The following TAFA1 variants were observed in gnomAD, a reference collection of about 807,000 sequenced individuals.
The protein encoded by TAFA1 is TAFA chemokine like family member 1.
TAFA1 carries 4 observed loss-of-function variants against 18.5 expected under a neutral mutation model. The observed-to-expected ratio is 0.22, with a 90% confidence interval of 0.11 to 0.49. The LOEUF is 0.49. Among genes scored for constraint, TAFA1 ranks in the 20% least tolerant of loss-of-function variants. The probability of loss-of-function intolerance (pLI) is 0.98; values close to 1 mark genes in which losing one functional copy is unlikely to be tolerated. For missense variants in TAFA1, 147 were observed against 169.0 expected, an observed-to-expected ratio of 0.87 and a Z score of 0.72; for synonymous variants, 56 against 55.2, an observed-to-expected ratio of 1.01 and a Z score of -0.06.
chr3:68,457,103 A>G (rs1350365204), intron 3 of TAFA1, among the ~76,000 whole-genome samples: 2 of 152,224 alleles, frequency 1.3e-5, no homozygotes, highest in Non-Finnish European at 2.9e-5. Flanking sequence ...TGGCATTTTA[A>G]GTAGGTACTT....
At chr3:68,304,573 T>A (rs554416870) in intron 2 of TAFA1, among the ~76,000 whole-genome samples, 34 of 152,306 alleles carry the variant, frequency 2.2e-4, no homozygotes, top group African/African-American at 7.5e-4. Flanking sequence ...TAATAAGTGA[T>A]AGCCATTCCT....
chr3:68,176,664 A>G (rs2066130356), intron 2 of TAFA1, among the ~76,000 whole-genome samples: 1 of 152,110 alleles, frequency 6.6e-6, no homozygotes, highest in South Asian at 2.1e-4. Flanking sequence ...CATATTTACC[A>G]CTTCTCTATT....
chr3:68,128,719 C>T (rs529318232), intron 2 of TAFA1, among the ~76,000 whole-genome samples: 3 of 152,258 alleles, frequency 2.0e-5, no homozygotes, highest in African/African-American at 7.2e-5. Context: ...CTCTGGGAAT[C>T]ATTTAGCCAT....
At chr3:68,235,627 T>G (rs910823094) in intron 2 of TAFA1, among the ~76,000 whole-genome samples, 1 of 152,168 alleles carries the variant, frequency 6.6e-6, no homozygotes, top group Non-Finnish European at 1.5e-5. Flanking sequence ...GTCATTATGA[T>G]CTGGTTGGTG....
chr3:68,287,906 T>TG (rs1292443082), intron 2 of TAFA1, among the ~76,000 whole-genome samples: 1 of 52,332 alleles, frequency 1.9e-5, no homozygotes, highest in Non-Finnish European at 4.4e-5. Context: ...TTTGTTTTTG[T>TG]TGGGGGGTGG....
At chr3:68,097,249 C>T (rs771929362) in intron 2 of TAFA1, among the ~76,000 whole-genome samples, 12 of 152,048 alleles carry the variant, frequency 7.9e-5, no homozygotes, top group African/African-American at 1.7e-4. Context: ...CATTAACATA[C>T]GTTTTTATAC....
chr3:68,332,963 C>T (rs1262714003), intron 2 of TAFA1, among the ~76,000 whole-genome samples: 1 of 152,160 alleles, frequency 6.6e-6, no homozygotes, highest in East Asian at 1.9e-4. Context: ...TAACATTTCA[C>T]ACCAATCAAA....
At chr3:68,030,949 T>A (rs1704922077) in intron 2 of TAFA1, among the ~76,000 whole-genome samples, 2 of 152,210 alleles carry the variant, frequency 1.3e-5, no homozygotes, top group Admixed American at 1.3e-4. Context: ...GCTTACTTAC[T>A]ACTTTACAAG....
At chr3:68,434,612 G>T (rs575826927) in intron 3 of TAFA1, among the ~76,000 whole-genome samples, 1 of 151,952 alleles carries the variant, frequency 6.6e-6, no homozygotes, top group Non-Finnish European at 1.5e-5. Context: ...TTCCTGGAAG[G>T]CACAAAACAT....
At chr3:68,526,098 A>T (rs2073108053) in intron 3 of TAFA1, among the ~76,000 whole-genome samples, 1 of 152,160 alleles carries the variant, frequency 6.6e-6, no homozygotes, top group Admixed American at 6.5e-5. Flanking sequence ...CTTCTCTCCT[A>T]GTTGGTATCA....
chr3:68,479,061 T>C (rs972320038), intron 3 of TAFA1, among the ~76,000 whole-genome samples: 2 of 150,074 alleles, frequency 1.3e-5, no homozygotes, highest in African/African-American at 4.9e-5. Flanking sequence ...TGAAACCCCA[T>C]CTCTACTAAA....
chr3:68,458,857 A>G (rs190128457), intron 3 of TAFA1, among the ~76,000 whole-genome samples: 22 of 151,900 alleles, frequency 1.4e-4, no homozygotes, highest in African/African-American at 5.1e-4. Flanking sequence ...ATCCAGTTAT[A>G]CTTAGTAATA....
intron 2 of TAFA1, among the ~76,000 whole-genome samples, chr3:68,074,817 C>A (rs1045864231): frequency 5.3e-5 from 8 of 152,180 alleles, no homozygotes; most frequent in African/African-American, 1.7e-4. Flanking sequence ...AAAATTACTT[C>A]TTGAGTCTTG....
At chr3:68,361,654 GA>G (rs11449912) in intron 2 of TAFA1, among the ~76,000 whole-genome samples, 15 of 148,202 alleles carry the variant, frequency 1.0e-4, no homozygotes, top group Non-Finnish European at 1.6e-4. Context: ...GAAAACAAAG[GA>G]AAAAAAAAAC....
intron 2 of TAFA1, among the ~76,000 whole-genome samples, chr3:68,115,176 A>C (rs1381167217): frequency 6.6e-6 from 1 of 152,150 alleles, no homozygotes; most frequent in East Asian, 1.9e-4. Flanking sequence ...TCTTGACTTG[A>C]GTGGCAGTTA....
chr3:68,250,071 C>G lies in TAFA1; in HGVS notation c.119-167209C>G, dbSNP rs759293613. ...TGTTAAGTCATACGATAAATTCATT[C>G]TGGGAGGAAAAGCATTTCCAGGGAG... On this transcript the variant is annotated intron_variant, in intron 2 of 4. Coordinates refer to ENST00000478136, the MANE Select transcript of TAFA1 (RefSeq NM_213609.4). Among the ~76,000 whole-genome samples, 3 of 152,170 alleles carry G rather than the reference C, an allele frequency of 2.0e-5. No homozygotes were observed. The South Asian group carries it at 6.2e-4, about 32-fold the overall frequency.
At chr3:68,185,581 C>T (rs979553866) in intron 2 of TAFA1, among the ~76,000 whole-genome samples, 3 of 151,936 alleles carry the variant, frequency 2.0e-5, no homozygotes, top group African/African-American at 7.2e-5. Flanking sequence ...TAAATGCAAC[C>T]ACAGTATCAT....
chr3:68,504,291 T>C (rs908079497), intron 3 of TAFA1, among the ~76,000 whole-genome samples: 17 of 152,126 alleles, frequency 1.1e-4, no homozygotes, highest in Non-Finnish European at 1.5e-4. Flanking sequence ...GACCTTTGTG[T>C]TGAAAGCCAG....
intron 2 of TAFA1, among the ~76,000 whole-genome samples, chr3:68,389,324 G>A (rs189127111): frequency 6.6e-6 from 1 of 152,064 alleles, no homozygotes; most frequent in Non-Finnish European, 1.5e-5. Context: ...CATCAACCTG[G>A]CCTCTTTGTG....
Sources: gnomAD v4.1 joint callset for allele counts (sites outside exome capture counted in the v4.1 genomes callset) on GRCh38, gnomAD v4.1.1 for gene constraint, MANE v1.5 for transcripts, NCBI Gene and HGNC (gene_info 2026-07-23, HGNC 2026-07-21) for gene names.